CSMD1: variants seen among roughly 807,000 people sequenced by gnomAD.
The protein encoded by CSMD1 is CUB and sushi domain-containing protein 1.
CSMD1 carries 213 observed loss-of-function variants against 417.5 expected under a neutral mutation model. The ratio of observed to expected loss-of-function variants is 0.51; its 90% CI spans 0.46 to 0.57. The LOEUF is 0.57. Ranked by LOEUF, CSMD1 falls within the 20% of genes least tolerant of loss-of-function variation. The probability of loss-of-function intolerance (pLI) is 0.00; values close to 1 mark genes in which losing one functional copy is unlikely to be tolerated. For synonymous variants in CSMD1, 2,862 were observed against 1,736.8 expected (o/e 1.65, Z -16.11); for missense variants, 6,923 against 4,529.7 (o/e 1.53, Z -15.17).
intron 12 of CSMD1, among the ~76,000 whole-genome samples, chr8:3,442,885 C>T (rs1815082070): frequency 6.6e-6 from 1 of 152,066 alleles, no homozygotes; most frequent in Non-Finnish European, 1.5e-5. Flanking sequence ...TATAACTTCA[C>T]ACATTACTTG....
chr8:3,602,237 G>A (rs984207042), intron 8 of CSMD1, among the ~76,000 whole-genome samples: 12 of 152,108 alleles, frequency 7.9e-5, no homozygotes, highest in African/African-American at 2.2e-4. Context: ...CAGAACCTTC[G>A]GGGTAACTGG....
chr8:3,240,847 A>G (rs1302774116), intron 26 of CSMD1, among the ~76,000 whole-genome samples: 4 of 152,162 alleles, frequency 2.6e-5, no homozygotes, highest in Non-Finnish European at 4.4e-5. Context: ...TGGTTCTAGA[A>G]CAGGTAAAAC....
chr8:4,675,562 G>A lies in CSMD1; in HGVS notation c.86-38004C>T, dbSNP rs545323041. 3.3e-5 allele frequency among the ~76,000 whole-genome samples: 5 copies of A among 152,246 alleles called. No homozygotes were observed. The South Asian group carries it at 1.0e-3, about 32-fold the overall frequency. On this transcript the variant is annotated intron_variant, in intron 1 of 69. Transcript: ENST00000635120. ...GAATGGTTTGATATTTCAATGTAGA[G>A]ACAATAAAGGCCTAAGTTGAGGTGG...
intron 7 of CSMD1, among the ~76,000 whole-genome samples, chr8:3,664,658 T>C (rs1043994228): frequency 2.6e-5 from 4 of 152,216 alleles, no homozygotes; most frequent in Non-Finnish European, 5.9e-5. Context: ...GAGCATCTTT[T>C]CTCATTGCTT....
intron 8 of CSMD1, among the ~76,000 whole-genome samples, chr8:3,606,989 C>G (rs923345682): frequency 2.6e-5 from 4 of 152,150 alleles, no homozygotes; most frequent in African/African-American, 9.7e-5. Flanking sequence ...GCATTACAAG[C>G]GTGAGCCGCC....
At chr8:3,013,135 G>A (rs186135519) in intron 52 of CSMD1, among the ~76,000 whole-genome samples, 12 of 152,256 alleles carry the variant, frequency 7.9e-5, no homozygotes, top group East Asian at 3.9e-4. Flanking sequence ...TCTTAGCAGC[G>A]TGAGAACAGA....
At chr8:3,626,907 T>A (rs1796519917) in intron 7 of CSMD1, among the ~76,000 whole-genome samples, 1 of 150,444 alleles carries the variant, frequency 6.6e-6, no homozygotes, top group Non-Finnish European at 1.5e-5. Context: ...TATTTAATAT[T>A]AAGGCTTTAT....
intron 10 of CSMD1, among the ~76,000 whole-genome samples, chr8:3,564,733 C>G (rs1799625633): frequency 6.9e-6 from 1 of 144,352 alleles, no homozygotes; most frequent in Admixed American, 6.9e-5. Flanking sequence ...GAAAAACCAA[C>G]CAACCAAACA....
At chr8:3,056,180 G>A (rs1021132342) in intron 49 of CSMD1, among the ~76,000 whole-genome samples, 1 of 152,142 alleles carries the variant, frequency 6.6e-6, no homozygotes, top group Non-Finnish European at 1.5e-5. Context: ...GTAGTAAGAT[G>A]GCTTACTTCA....
At chr8:3,304,632 A>G (rs545988116) in intron 25 of CSMD1, among the ~76,000 whole-genome samples, 1 of 152,266 alleles carries the variant, frequency 6.6e-6, no homozygotes, top group Non-Finnish European at 1.5e-5. Flanking sequence ...GATAGTGTGT[A>G]CCTCATATTG....
intron 5 of CSMD1, among the ~76,000 whole-genome samples, chr8:3,848,854 A>G (rs900823014): frequency 3.9e-5 from 6 of 152,004 alleles, no homozygotes; most frequent in African/African-American, 1.4e-4. Context: ...TATAAAGCAC[A>G]CATTTTTTTC....
chr8:3,853,884 ATAT>A (rs1804097164), intron 5 of CSMD1, among the ~76,000 whole-genome samples: 2 of 147,146 alleles, frequency 1.4e-5, no homozygotes, highest in African/African-American at 4.9e-5. Context: ...TAATATATTA[ATAT>A]ATTATACTTT....
At chr8:4,714,700 T>G (rs1412081678) in intron 1 of CSMD1, among the ~76,000 whole-genome samples, 2 of 152,154 alleles carry the variant, frequency 1.3e-5, no homozygotes, top group Admixed American at 6.5e-5. Flanking sequence ...CAGTTCAAAT[T>G]TACTCGAGAA....
chr8:4,196,958 G>T (rs570591501), intron 3 of CSMD1, among the ~76,000 whole-genome samples: 2 of 152,116 alleles, frequency 1.3e-5, no homozygotes, highest in African/African-American at 4.8e-5. Context: ...TCCAATTTTA[G>T]TCATTTGAGC....
At chr8:4,179,424 A>T (rs1029234755) in intron 3 of CSMD1, among the ~76,000 whole-genome samples, 37 of 152,084 alleles carry the variant, frequency 2.4e-4, no homozygotes, top group Non-Finnish European at 1.5e-5. Flanking sequence ...TACAAAAATC[A>T]ATTCAAGATG....
chr8:2,974,374 T>A, intron 56 of CSMD1, 77 bp downstream of exon 56: 1 of 1,302,752 alleles, frequency 7.7e-7, no homozygotes, highest in Non-Finnish European at 1.0e-6. Context: ...TAACTGTAAA[T>A]CATCATTATT....
intron 2 of CSMD1, among the ~76,000 whole-genome samples, chr8:4,448,922 C>A (rs901346971): frequency 6.6e-6 from 1 of 152,120 alleles, no homozygotes; most frequent in Non-Finnish European, 1.5e-5. Flanking sequence ...CTATTAAGTT[C>A]AAAATTTCCA....
At chr8:3,750,249 T>C (rs953612913) in intron 6 of CSMD1, among the ~76,000 whole-genome samples, 7 of 151,842 alleles carry the variant, frequency 4.6e-5, no homozygotes, top group African/African-American at 1.7e-4. Flanking sequence ...ACAATAACGT[T>C]AAAAAGATTA....
At chr8:4,342,683 C>T (rs1025799984) in intron 3 of CSMD1, among the ~76,000 whole-genome samples, 1 of 151,940 alleles carries the variant, frequency 6.6e-6, no homozygotes, top group Non-Finnish European at 1.5e-5. Context: ...GGCTGCCCAG[C>T]GATAGAGCCA....
Sources: gnomAD v4.1 joint callset for allele counts (sites outside exome capture counted in the v4.1 genomes callset) on GRCh38, gnomAD v4.1.1 for gene constraint, MANE v1.5 for transcripts, NCBI Gene and HGNC (gene_info 2026-07-23, HGNC 2026-07-21) for gene names.